NOS1: variants seen among roughly 807,000 people sequenced by gnomAD.
The protein encoded by NOS1 is NOS type I.
In NOS1, 51 loss-of-function variants were observed where a neutral mutation model predicts 164.5. The ratio of observed to expected loss-of-function variants is 0.31; its 90% CI spans 0.25 to 0.39. NOS1 has a LOEUF of 0.39. Ranked by LOEUF, NOS1 falls within the 10% of genes least tolerant of loss-of-function variation. The pLI, the probability that NOS1 is intolerant of heterozygous loss-of-function variation, is 1.00. For missense variants in NOS1, 1,362 were observed against 1,885.6 expected, an observed-to-expected ratio of 0.72 and a Z score of 5.14; for synonymous variants, 719 against 745.8, an observed-to-expected ratio of 0.96 and a Z score of 0.59.
At chr12:117,216,682 T>C (rs927577710) in intron 28 of NOS1, among the ~76,000 whole-genome samples, 1 of 152,058 alleles carries the variant, frequency 6.6e-6, no homozygotes, top group Non-Finnish European at 1.5e-5. Flanking sequence ...TCTCCTTGCG[T>C]TGCCCAGGCT....
chr12:117,319,845 T>C (rs1322959234), intron 2 of NOS1, among the ~76,000 whole-genome samples: 1 of 152,058 alleles, frequency 6.6e-6, no homozygotes, highest in Non-Finnish European at 1.5e-5. Flanking sequence ...TGGCCTGGCC[T>C]GTGATGAGCG....
At chr12:117,244,173 A>G (rs1411306476) in intron 18 of NOS1, among the ~76,000 whole-genome samples, 1 of 151,976 alleles carries the variant, frequency 6.6e-6, no homozygotes, top group Non-Finnish European at 1.5e-5. Context: ...GACTGCAAAT[A>G]CATTTTTCTT....
intron 10 of NOS1, among the ~76,000 whole-genome samples, chr12:117,268,756 A>AT (rs763731162): frequency 1.5e-3 from 212 of 139,784 alleles, no homozygotes; most frequent in South Asian, 3.9e-3. Context: ...CGCCGGGCTA[A>AT]TTTTTTTTTT....
chr12:117,354,481 A>C (rs927072114), intron 1 of NOS1, among the ~76,000 whole-genome samples: 2 of 152,156 alleles, frequency 1.3e-5, no homozygotes, highest in African/African-American at 4.8e-5. Flanking sequence ...ACTGGCTTTC[A>C]TTTTTCTTAC....
intron 11 of NOS1, among the ~76,000 whole-genome samples, chr12:117,266,350 C>T (rs9658387): frequency 0.069 from 10,534 of 152,172 alleles, 600 homozygotes; most frequent in Non-Finnish European, 0.098. Flanking sequence ...TGAGTGAGAA[C>T]ATACGATGTT....
Position 117,280,842 on chromosome 12 carries a change from C to G in NOS1, c.1407G>C (p.Gln469His), listed in dbSNP as rs541904852. ...NLRSAITIFP[Q>H]RTDGKHDFRV... ...GGAAGTCGTGCTTGCCGTCTGTCCT[C>G]TGGGGGAATATGGTGATGGCAGACC... Residue 469 changes from glutamine to histidine, a missense_variant, in exon 8 of 29, where the codon CAG becomes CAC. By Grantham distance (24) the Gln-to-His change is conservative. Transcript: ENST00000317775. 8 of 1,614,120 alleles carry G rather than the reference C, an allele frequency of 5.0e-6. 1 individual carries two copies. In the Admixed American group the frequency reaches 1.0e-4, roughly 20 times the overall value.
chr12:117,273,064 A>T (rs1190319174), intron 9 of NOS1, among the ~76,000 whole-genome samples: 2 of 151,874 alleles, frequency 1.3e-5, no homozygotes, highest in African/African-American at 4.8e-5. Context: ...TCTTACTCAT[A>T]CTTTAATTGT....
chr12:117,240,877 C>T (rs1308509845), intron 20 of NOS1, among the ~76,000 whole-genome samples: 1 of 152,076 alleles, frequency 6.6e-6, no homozygotes, highest in Non-Finnish European at 1.5e-5. Context: ...GACATCACAT[C>T]TCAAATTGAT....
At chr12:117,304,201 G>T (rs527249300) in intron 3 of NOS1, among the ~76,000 whole-genome samples, 1 of 152,148 alleles carries the variant, frequency 6.6e-6, no homozygotes, top group East Asian at 1.9e-4. Context: ...CACAACATGT[G>T]TCTCAGGTGG....
chr12:117,235,020 T>G (rs12424169), intron 20 of NOS1, among the ~76,000 whole-genome samples: 17,067 of 151,878 alleles, frequency 0.11, 1,329 homozygotes, highest in Admixed American at 0.29. Context: ...CCAAGCTCAA[T>G]GATCCTCCCA....
intron 20 of NOS1, among the ~76,000 whole-genome samples, chr12:117,240,786 AC>A (rs1330330129): frequency 6.6e-6 from 1 of 152,198 alleles, no homozygotes; most frequent in Non-Finnish European, 1.5e-5. Flanking sequence ...CACCTAAATG[AC>A]TTGGCCAAGG....
chr12:117,215,009 A>G lies in NOS1; in HGVS notation c.*300T>C, dbSNP rs1040963150. The G allele has an allele frequency of 9.7e-5, 113 of 1,160,980 alleles. No individual in the cohort carries two copies. Among genetic ancestry groups the G allele is most frequent in the South Asian group, 1.3e-4 (3 of 22,832 alleles). The allele number at this position is 1,160,980 out of a possible 1,614,324, so 71.9% of individuals were successfully genotyped here. A position where few individuals can be genotyped will look rare whatever the true frequency, so the allele number is the denominator to read the frequency against. On this transcript the variant is annotated 3_prime_UTR_variant, in exon 29 of 29. Transcript: ENST00000317775. ...GAAAAAAACCCCCACAGCGACGGCC[A>G]TGTTCCAGTGGTTTCATGCACCCGT...
chr12:117,343,209 GC>G (rs1876196219), intron 1 of NOS1, among the ~76,000 whole-genome samples: 1 of 151,190 alleles, frequency 6.6e-6, no homozygotes, highest in African/African-American at 2.4e-5. Flanking sequence ...TTGCACACCA[GC>G]CTGGGTGACA....
At position 117,210,874 on chromosome 12, in the gene NOS1, C is replaced by T. The variant is rs192931503; in HGVS notation, c.*4435G>A. The stretch of plus-strand genomic sequence containing the variant: ...CCAGAGAAGCTGACTATCACATCAG[C>T]TCTGAAAACTCATCTTTTCCCTGAG... On this transcript the variant is annotated 3_prime_UTR_variant, in exon 29 of 29. Transcript: ENST00000317775. 4.1e-3 allele frequency: 3,992 copies of T among 985,426 alleles called. 11 individuals carry two copies. The highest frequency in any genetic ancestry group is 4.5e-3 in the Non-Finnish European group (3,738 of 829,938). 61.0% of individuals were successfully genotyped at this position (985,426 alleles called of 1,614,324 possible).
rs1956728959 is a variant in NOS1 at position 117,222,788 on chromosome 12, G to T, written c.3902C>A (p.Thr1301Asn). 1 of 1,614,048 alleles carries T rather than the reference G, an allele frequency of 6.2e-7. No homozygotes were observed. Among genetic ancestry groups the T allele is most frequent in the Non-Finnish European group, 8.5e-7 (1 of 1,179,996 alleles). ...GACCCCCTTGTTCTTGGCCTGCAGG[G>T]TCTCTTCCCTGTAGATATGATCTAT... ...SKIDHIYREE[T>N]LQAKNKGVFR... The change falls in exon 26 of 29, where the codon ACC becomes AAC. Residue 1301 changes from threonine (T) to asparagine (N), a missense_variant. Coordinates refer to ENST00000317775, the MANE Select transcript of NOS1 (RefSeq NM_000620.5).
chr12:117,288,495 T>G (rs886504834), intron 4 of NOS1, among the ~76,000 whole-genome samples: 1 of 152,176 alleles, frequency 6.6e-6, no homozygotes, highest in Non-Finnish European at 1.5e-5. Context: ...TACTAAAATC[T>G]GAAATATTTT....
chr12:117,231,440 C>CA (rs1474047383), intron 22 of NOS1, among the ~76,000 whole-genome samples: 3 of 151,816 alleles, frequency 2.0e-5, no homozygotes, highest in African/African-American at 7.3e-5. Context: ...GTTCCCAACA[C>CA]AAAGAAATGA....
intron 1 of NOS1, among the ~76,000 whole-genome samples, chr12:117,351,689 G>A (rs897060124): frequency 6.6e-6 from 1 of 152,192 alleles, no homozygotes; most frequent in African/African-American, 2.4e-5. Flanking sequence ...AGCTGCATGT[G>A]CCAAGCATTT....
chr12:117,233,591 G>C (rs1869444116), intron 21 of NOS1, among the ~76,000 whole-genome samples: 1 of 151,588 alleles, frequency 6.6e-6, no homozygotes, highest in Admixed American at 6.6e-5. Flanking sequence ...TGGATTACCT[G>C]AGATCAGGAG....
Sources: gnomAD v4.1 joint callset for allele counts (sites outside exome capture counted in the v4.1 genomes callset) on GRCh38, gnomAD v4.1.1 for gene constraint, MANE v1.5 for transcripts, NCBI Gene and HGNC (gene_info 2026-07-23, HGNC 2026-07-21) for gene names.